The following NOP58 variants were observed in gnomAD, a reference collection of about 807,000 sequenced individuals.
The protein encoded by NOP58 is NOP58 ribonucleoprotein.
In NOP58, 44 loss-of-function variants were observed where a neutral mutation model predicts 71.2. The observed-to-expected ratio is 0.62, with a 90% CI of 0.49 to 0.79. The LOEUF is 0.79. Among genes scored for constraint, NOP58 ranks in the 30% least tolerant of loss-of-function variants. The pLI is 0.00. For missense variants in NOP58, 538 were observed against 620.2 expected (o/e 0.87, Z 1.41); for synonymous variants, 228 against 200.3 (o/e 1.14, Z -1.17).
Position 202,303,527 on chromosome 2 carries a change from G to A in NOP58, c.*91G>A. ...CAGGGATGCTCTCTAACGTAATCAAGGGAAGGTTCAGTAAGACAAAGTGAT... is the reference window on the plus strand; with the variant it reads ...CAGGGATGCTCTCTAACGTAATCAAAGGAAGGTTCAGTAAGACAAAGTGAT... On this transcript the variant is annotated 3_prime_UTR_variant, in exon 15 of 15. Transcript: ENST00000264279. The A allele has an allele frequency of 6.8e-7, 1 of 1,477,458 alleles. No homozygotes were observed. The highest frequency in any genetic ancestry group is 9.0e-7 in the Non-Finnish European group (1 of 1,110,582). 91.5% of individuals were successfully genotyped at this position (1,477,458 alleles called of 1,614,324 possible).
chr2:202,292,935 GTGTT>G (rs776876152), intron 9 of NOP58, 32 bp downstream of exon 9: 3 of 1,610,934 alleles, frequency 1.9e-6, no homozygotes, highest in Non-Finnish European at 2.5e-6. Context: ...GTAAATATGA[GTGTT>G]TGAAGTATTT....
At chr2:202,293,441 GCTA>G (rs1252490424) in intron 9 of NOP58, among the ~76,000 whole-genome samples, 3 of 152,174 alleles carry the variant, frequency 2.0e-5, no homozygotes, top group African/African-American at 7.2e-5. Context: ...AGGATGATAT[GCTA>G]TAATTAAAAT....
chr2:202,276,181 A>G (rs1260860094), intron 2 of NOP58, among the ~76,000 whole-genome samples: 2 of 151,806 alleles, frequency 1.3e-5, no homozygotes, highest in Non-Finnish European at 2.9e-5. Flanking sequence ...TCTCCTAAAA[A>G]CACAAAATTA....
intron 9 of NOP58, among the ~76,000 whole-genome samples, chr2:202,295,095 G>T (rs1449477331): frequency 3.9e-5 from 6 of 152,186 alleles, no homozygotes; most frequent in African/African-American, 1.4e-4. Context: ...CATGTCCTGG[G>T]GGGAGCTGAG....
Position 202,285,525 on chromosome 2 carries a change from T to C in NOP58, c.434+1044T>C, listed in dbSNP as rs13416135. Among the ~76,000 whole-genome samples, 1,148 of 151,322 alleles carry C rather than the reference T, an allele frequency of 7.6e-3. 12 individuals are homozygous for C. The highest frequency in any genetic ancestry group is 0.026 in the African/African-American group (1,068 of 41,202). On this transcript the variant is annotated intron_variant, in intron 5 of 14. Transcript: ENST00000264279. ...CATCCCTGGCTGATTTTTTAACTTTTTGTAGAGACGGGGTTTTGCCATGCT... is the reference window on the plus strand; with the variant it reads ...CATCCCTGGCTGATTTTTTAACTTTCTGTAGAGACGGGGTTTTGCCATGCT...
chr2:202,285,606 GC>G (rs1688773661), intron 5 of NOP58, among the ~76,000 whole-genome samples: 1 of 152,012 alleles, frequency 6.6e-6, no homozygotes, highest in Non-Finnish European at 1.5e-5. Flanking sequence ...CTCCCAAAGT[GC>G]CGCGACTGCA....
At chr2:202,274,484 C>T (rs1354522388) in intron 1 of NOP58, among the ~76,000 whole-genome samples, 2 of 150,460 alleles carry the variant, frequency 1.3e-5, no homozygotes, top group Admixed American at 1.3e-4. Context: ...TCAGGTGATC[C>T]GCCTGCCTCA....
chr2:202,266,167 G>C (rs1688411924), intron 1 of NOP58, among the ~76,000 whole-genome samples, 181 bp downstream of exon 1: 1 of 152,156 alleles, frequency 6.6e-6, no homozygotes, highest in South Asian at 2.1e-4. Flanking sequence ...TGGCCCCGCC[G>C]TTTGGGGAGA....
intron 1 of NOP58, among the ~76,000 whole-genome samples, chr2:202,266,474 TTTTG>T (rs1311730070): frequency 7.3e-5 from 11 of 151,724 alleles, no homozygotes; most frequent in South Asian, 2.1e-4. Context: ...GGCTAGTTGT[TTTTG>T]TTTGTTTGTT....
intron 3 of NOP58, among the ~76,000 whole-genome samples, chr2:202,279,787 C>G (rs1688670495): frequency 6.6e-6 from 1 of 152,148 alleles, no homozygotes; most frequent in Non-Finnish European, 1.5e-5. Context: ...GAGCGAGACT[C>G]CTTCTGGAAA....
At chr2:202,267,930 T>C (rs1278901969) in intron 1 of NOP58, among the ~76,000 whole-genome samples, 1 of 152,242 alleles carries the variant, frequency 6.6e-6, no homozygotes, top group African/African-American at 2.4e-5. Context: ...TTGTGGTTTA[T>C]GTAACCTAGT....
chr2:202,281,528 C>G (rs1218006050), intron 3 of NOP58, among the ~76,000 whole-genome samples: 2 of 152,136 alleles, frequency 1.3e-5, no homozygotes, highest in African/African-American at 4.8e-5. Context: ...CAGCCTTGAA[C>G]TCCCTGGGCT....
chr2:202,288,069 T>C (rs999255770), intron 6 of NOP58, among the ~76,000 whole-genome samples: 6 of 152,116 alleles, frequency 3.9e-5, no homozygotes, highest in African/African-American at 1.4e-4. Flanking sequence ...TTGGAGATTA[T>C]ATGAATCACA....
chr2:202,303,572 A>G lies in NOP58; in HGVS notation c.*136A>G. 8.7e-7 allele frequency: 1 copy of G among 1,148,908 alleles called. No individual in the cohort carries two copies. Among genetic ancestry groups the G allele is most frequent in the Non-Finnish European group, 1.2e-6 (1 of 850,476 alleles). 71.2% of individuals were successfully genotyped at this position (1,148,908 alleles called of 1,614,324 possible). ...AGTGATTTATCATCTATAACTTCAA[A>G]CCTATTTGTCTTGACATCAACTCTG... On this transcript the variant is annotated 3_prime_UTR_variant, in exon 15 of 15. Coordinates refer to ENST00000264279, the MANE Select transcript of NOP58 (RefSeq NM_015934.5).
chr2:202,276,484 T>C, intron 2 of NOP58: 1 of 516,232 alleles, frequency 1.9e-6, no homozygotes, highest in South Asian at 1.4e-5. Context: ...GTGATCTGAC[T>C]CAATATTCGT....
chr2:202,286,158 G>A (rs540335816), intron 5 of NOP58, among the ~76,000 whole-genome samples: 1 of 143,202 alleles, frequency 7.0e-6, no homozygotes, highest in East Asian at 2.0e-4. Flanking sequence ...GTCCAGCCTG[G>A]GTGACAGAGT....
chr2:202,297,640 T>A (rs777367588), intron 11 of NOP58, 127 bp downstream of exon 11: 3 of 996,888 alleles, frequency 3.0e-6, no homozygotes, highest in Middle Eastern at 2.3e-4. Flanking sequence ...GTATTCTTTT[T>A]GTGCCTACTG....
chr2:202,303,155 A>C (rs1689122067), intron 14 of NOP58, 98 bp downstream of exon 14: 1 of 1,433,128 alleles, frequency 7.0e-7, no homozygotes, highest in African/African-American at 1.4e-5. Context: ...ATTTTAAAAA[A>C]TGGTTTTCAT....
intron 1 of NOP58, among the ~76,000 whole-genome samples, chr2:202,267,943 T>A (rs527483234): frequency 6.6e-6 from 1 of 152,310 alleles, no homozygotes; most frequent in East Asian, 1.9e-4. Flanking sequence ...AACCTAGTAC[T>A]AAAGAAATAA....
Sources: allele counts gnomAD v4.1 joint callset (sites outside exome capture counted in the v4.1 genomes callset), GRCh38; gene constraint gnomAD v4.1.1; transcripts MANE v1.5; gene names NCBI Gene and HGNC (gene_info 2026-07-23, HGNC 2026-07-21).